The following CDH13 variants were observed in gnomAD, a reference collection of about 807,000 sequenced individuals.
CDH13 encodes cadherin-13.
In CDH13, 24 loss-of-function variants were observed where a neutral mutation model predicts 63.8. The ratio of observed to expected loss-of-function variants is 0.38; its 90% CI spans 0.27 to 0.53. The LOEUF (loss-of-function observed/expected upper bound fraction) is 0.53, where lower values mean the gene tolerates loss of function less well. CDH13 is among the 20% of genes least tolerant of loss of function. The probability of loss-of-function intolerance (pLI) is 0.85; values close to 1 mark genes in which losing one functional copy is unlikely to be tolerated. For synonymous variants in CDH13, 503 were observed against 355.3 expected (o/e 1.42, Z -4.67); for missense variants, 1,049 against 903.1 (o/e 1.16, Z -2.07).
At chr16:83,543,755 G>A (rs143229354) in intron 7 of CDH13, among the ~76,000 whole-genome samples, 1 of 152,274 alleles carries the variant, frequency 6.6e-6, no homozygotes, top group Non-Finnish European at 1.5e-5. Flanking sequence ...AATGGACAGT[G>A]GCCAGGGGTG....
intron 10 of CDH13, among the ~76,000 whole-genome samples, chr16:83,732,435 C>T: frequency 6.6e-6 from 1 of 152,094 alleles, no homozygotes. Context: ...GGGAGGTGAG[C>T]AGTGATCAGT....
chr16:83,038,279 T>G (rs1917040621), intron 3 of CDH13, among the ~76,000 whole-genome samples: 1 of 152,196 alleles, frequency 6.6e-6, no homozygotes, highest in Non-Finnish European at 1.5e-5. Context: ...CTGTCTCACC[T>G]GCAAAACATA....
rs147791907 is a variant in CDH13, at chr16:82,993,947, C to T, written c.158-38063C>T. On this transcript the variant is annotated intron_variant, in intron 2 of 13. Coordinates refer to ENST00000567109, the MANE Select transcript of CDH13 (RefSeq NM_001257.5). ...AGCAAGCACTCCCCCTCCGTTGTTA[C>T]CCCTCCCTGCAAGATCCTGAAGCCC... Among the ~76,000 whole-genome samples, 612 of 152,256 alleles carry T rather than the reference C, an allele frequency of 4.0e-3. 12 individuals are homozygous for T. Among genetic ancestry groups the T allele is most frequent in the Non-Finnish European group, 4.5e-3 (309 of 68,024 alleles).
chr16:82,899,576 A>G (rs753825116), intron 2 of CDH13, among the ~76,000 whole-genome samples: 1 of 152,118 alleles, frequency 6.6e-6, no homozygotes, highest in African/African-American at 2.4e-5. Context: ...CAATGCCTGC[A>G]GGTGGGTGGC....
intron 6 of CDH13, among the ~76,000 whole-genome samples, chr16:83,483,796 C>G (rs953154750): frequency 1.3e-5 from 2 of 152,140 alleles, no homozygotes; most frequent in Non-Finnish European, 2.9e-5. Context: ...TTGCCTAGAT[C>G]AGGAAGTTTA....
At chr16:82,813,241 A>T (rs1348988401) in intron 1 of CDH13, among the ~76,000 whole-genome samples, 1 of 150,448 alleles carries the variant, frequency 6.6e-6, no homozygotes, top group Non-Finnish European at 1.5e-5. Context: ...GCTCTGGACA[A>T]TAAAAAAAAT....
At chr16:83,395,569 C>T (rs910877567) in intron 6 of CDH13, among the ~76,000 whole-genome samples, 3 of 152,124 alleles carry the variant, frequency 2.0e-5, no homozygotes, top group Non-Finnish European at 4.4e-5. Flanking sequence ...CTCCCCAACC[C>T]TCCCACATTG....
rs139306476 is a variant in CDH13, at chr16:83,273,388, A to G, written c.636+55891A>G. Among the ~76,000 whole-genome samples the G allele has an allele frequency of 1.2e-3, 184 of 152,086 alleles. 2 individuals carry two copies. In the East Asian group the frequency reaches 0.032, roughly 27 times the overall value. The stretch of plus-strand genomic sequence containing the variant: ...GTCTTTTGTTCCCGTCTTAGTGTCT[A>G]TGAGTGAGTACTCATAGACATAGTA... On this transcript the variant is annotated intron_variant, in intron 5 of 13. Coordinates refer to ENST00000567109, the MANE Select transcript of CDH13 (RefSeq NM_001257.5).
chr16:83,030,844 A>G (rs1383832442), intron 2 of CDH13, among the ~76,000 whole-genome samples: 2 of 150,504 alleles, frequency 1.3e-5, no homozygotes, highest in East Asian at 4.0e-4. Context: ...CCTCATTTCC[A>G]CCCTTCCCTT....
intron 5 of CDH13, among the ~76,000 whole-genome samples, chr16:83,260,858 A>G (rs1906901184): frequency 6.6e-6 from 1 of 152,148 alleles, no homozygotes; most frequent in Non-Finnish European, 1.5e-5. Context: ...CAAAGAATGT[A>G]TTTGAAAAGC....
chr16:83,086,519 G>A (rs1051273497), intron 3 of CDH13, among the ~76,000 whole-genome samples: 7 of 152,256 alleles, frequency 4.6e-5, no homozygotes, highest in East Asian at 3.9e-4. Context: ...TGAGCCAAGC[G>A]GAATCCTTGT....
intron 2 of CDH13, among the ~76,000 whole-genome samples, chr16:82,913,311 G>C (rs1210264983): frequency 1.3e-5 from 2 of 152,120 alleles, no homozygotes; most frequent in Non-Finnish European, 2.9e-5. Flanking sequence ...TGAGCCGCCG[G>C]CTCATTCAGA....
At chr16:83,608,103 G>C (rs567885296) in intron 8 of CDH13, among the ~76,000 whole-genome samples, 1 of 152,070 alleles carries the variant, frequency 6.6e-6, no homozygotes, top group African/African-American at 2.4e-5. Flanking sequence ...TCATTTTCCA[G>C]TTCTACCTTA....
intron 5 of CDH13, among the ~76,000 whole-genome samples, chr16:83,326,010 A>C (rs1026080274): frequency 6.6e-6 from 1 of 152,178 alleles, no homozygotes; most frequent in Non-Finnish European, 1.5e-5. Context: ...TGGATTATCT[A>C]TACAAAGTAC....
At chr16:83,264,785 A>G (rs1007581060) in intron 5 of CDH13, among the ~76,000 whole-genome samples, 12 of 151,906 alleles carry the variant, frequency 7.9e-5, no homozygotes, top group African/African-American at 2.9e-4. Context: ...GCATTTCTCA[A>G]TACATAATTA....
chr16:83,135,250 A>G (rs2036230252), intron 4 of CDH13, among the ~76,000 whole-genome samples: 1 of 152,234 alleles, frequency 6.6e-6, no homozygotes, highest in South Asian at 2.1e-4. Flanking sequence ...TGCCCAGGGT[A>G]ACCCTCTTAA....
chr16:83,558,480 G>A (rs1048883133), intron 7 of CDH13, among the ~76,000 whole-genome samples: 1 of 152,202 alleles, frequency 6.6e-6, no homozygotes. Flanking sequence ...CCTTATGCAT[G>A]AATAATGTAT....
At chr16:82,878,422 C>T (rs1003652691) in intron 2 of CDH13, among the ~76,000 whole-genome samples, 6 of 151,004 alleles carry the variant, frequency 4.0e-5, no homozygotes, top group African/African-American at 7.3e-5. Flanking sequence ...AAAGAGGAGA[C>T]GTCAACTGGG....
chr16:83,494,037 C>T (rs1294885267), intron 7 of CDH13, among the ~76,000 whole-genome samples: 1 of 152,168 alleles, frequency 6.6e-6, no homozygotes, highest in Admixed American at 6.5e-5. Flanking sequence ...ATCAGACAAT[C>T]AGTAGTTACT....
Sources: allele counts gnomAD v4.1 joint callset (sites outside exome capture counted in the v4.1 genomes callset), GRCh38; gene constraint gnomAD v4.1.1; transcripts MANE v1.5; gene names NCBI Gene and HGNC (gene_info 2026-07-23, HGNC 2026-07-21).